NMNAT2: variants seen among roughly 807,000 people sequenced by gnomAD.
NMNAT2 encodes the protein nicotinamide/nicotinic acid mononucleotide adenylyltransferase 2.
In NMNAT2, 11 loss-of-function variants were observed where a neutral mutation model predicts 41.6. The ratio of observed to expected loss-of-function variants is 0.26; its 90% CI spans 0.17 to 0.44. The LOEUF is 0.44. Ranked by LOEUF, NMNAT2 falls within the 20% of genes least tolerant of loss-of-function variation. The probability of loss-of-function intolerance (pLI) is 1.00; values close to 1 mark genes in which losing one functional copy is unlikely to be tolerated. For synonymous variants in NMNAT2, 148 were observed against 151.2 expected (o/e 0.98, Z 0.16); for missense variants, 288 against 407.7 (o/e 0.71, Z 2.53).
At chr1:183,339,347 T>C (rs1662746548) in intron 1 of NMNAT2, among the ~76,000 whole-genome samples, 1 of 152,174 alleles carries the variant, frequency 6.6e-6, no homozygotes, top group South Asian at 2.1e-4. Context: ...TCTGCGCGCC[T>C]CAGCCTCCCA....
In NMNAT2 at chr1:183,302,220, A is replaced by G. The variant is rs139875052; in HGVS notation, c.86-8427T>C. Reference sequence around the variant, plus strand: ...CTGTCCCAGTCGCTATAAGGGACATAGAGAAGTAAAAGACACAATTCACAT... The same window carrying G: ...CTGTCCCAGTCGCTATAAGGGACATGGAGAAGTAAAAGACACAATTCACAT... On this transcript the variant is annotated intron_variant, in intron 1 of 10. Transcript: ENST00000287713. Among the ~76,000 whole-genome samples the G allele has an allele frequency of 3.7e-4, 57 of 152,368 alleles. 1 individual carries two copies. The East Asian group carries it at 0.011, about 28-fold the overall frequency.
intron 1 of NMNAT2, among the ~76,000 whole-genome samples, chr1:183,326,375 CAAAAAAAAAAAAAAA>C (rs58330585): frequency 2.9e-5 from 2 of 69,152 alleles, no homozygotes; most frequent in African/African-American, 1.2e-4. Context: ...GACTCCATCT[CAAAAAAAAAAAAAAA>C]AAAAAAAAAA....
intron 6 of NMNAT2, 94 bp downstream of exon 6, chr1:183,284,615 TG>T: frequency 1.9e-6 from 2 of 1,026,196 alleles, no homozygotes; most frequent in Non-Finnish European, 3.1e-6. Flanking sequence ...GAATTTGCGG[TG>T]GGGGGAATGT....
At chr1:183,331,345 G>T (rs1433289387) in intron 1 of NMNAT2, among the ~76,000 whole-genome samples, 4 of 152,218 alleles carry the variant, frequency 2.6e-5, no homozygotes, top group Non-Finnish European at 5.9e-5. Flanking sequence ...GAGGAGACTG[G>T]CTGACGGGAG....
intron 1 of NMNAT2, among the ~76,000 whole-genome samples, chr1:183,324,374 G>A (rs780286177): frequency 4.7e-4 from 71 of 152,290 alleles, no homozygotes; most frequent in Non-Finnish European, 8.5e-4. Flanking sequence ...TTCATCATAG[G>A]AAAATAAATA....
At chr1:183,356,843 C>T (rs150933926) in intron 1 of NMNAT2, among the ~76,000 whole-genome samples, 1 of 152,294 alleles carries the variant, frequency 6.6e-6, no homozygotes, top group Non-Finnish European at 1.5e-5. Flanking sequence ...AAAACCCAAG[C>T]AACTTTTCAT....
At chr1:183,354,681 T>C (rs1419284818) in intron 1 of NMNAT2, among the ~76,000 whole-genome samples, 2 of 152,184 alleles carry the variant, frequency 1.3e-5, no homozygotes, top group Non-Finnish European at 2.9e-5. Context: ...CCTCCGAAAG[T>C]GCTGGGATTA....
chr1:183,377,698 A>G (rs1379873290), intron 1 of NMNAT2, among the ~76,000 whole-genome samples: 2 of 152,238 alleles, frequency 1.3e-5, no homozygotes, highest in Non-Finnish European at 2.9e-5. Context: ...CAACATGTTC[A>G]GTTTTCAACA....
chr1:183,330,439 C>A (rs911723473), intron 1 of NMNAT2, among the ~76,000 whole-genome samples: 2 of 152,192 alleles, frequency 1.3e-5, no homozygotes, highest in African/African-American at 2.4e-5. Context: ...GAGAGCAGAA[C>A]AAAGGAGGGT....
intron 1 of NMNAT2, among the ~76,000 whole-genome samples, chr1:183,395,048 G>T (rs1199657340): frequency 6.6e-6 from 1 of 152,120 alleles, no homozygotes; most frequent in Non-Finnish European, 1.5e-5. Flanking sequence ...GTATTCAGGG[G>T]TGACTGCATA....
In NMNAT2 at chr1:183,391,619, C is replaced by T. The variant is rs558449180; in HGVS notation, c.85+26564G>A. ...CTCTGCTCCTCTTTAGAAAAATACT[C>T]CTCAAAAGAATGTTTAAATAGGTGC... On this transcript the variant is annotated intron_variant, in intron 1 of 10. Transcript: ENST00000287713. Among the ~76,000 whole-genome samples, 5 of 152,262 alleles carry T rather than the reference C, an allele frequency of 3.3e-5. No homozygotes were observed. In the South Asian group the frequency reaches 8.3e-4, roughly 25 times the overall value.
intron 7 of NMNAT2, among the ~76,000 whole-genome samples, chr1:183,281,864 C>A (rs1392350455): frequency 6.6e-6 from 1 of 152,250 alleles, no homozygotes; most frequent in Non-Finnish European, 1.5e-5. Context: ...ACGTGAGCCC[C>A]AGCGCCTCAC....
chr1:183,270,767 C>T (rs763471071), intron 8 of NMNAT2, among the ~76,000 whole-genome samples: 6 of 152,146 alleles, frequency 3.9e-5, no homozygotes, highest in African/African-American at 7.2e-5. Flanking sequence ...TGGTATCAGT[C>T]GTATCAGTGT....
intron 1 of NMNAT2, among the ~76,000 whole-genome samples, chr1:183,398,526 T>C (rs1648719675): frequency 6.6e-6 from 1 of 151,950 alleles, no homozygotes; most frequent in Non-Finnish European, 1.5e-5. Context: ...CACAAGAATA[T>C]CCAGGAATTG....
intron 1 of NMNAT2, among the ~76,000 whole-genome samples, chr1:183,306,983 A>G (rs1662007878): frequency 6.6e-6 from 1 of 152,108 alleles, no homozygotes; most frequent in African/African-American, 2.4e-5. Flanking sequence ...CCATATTTCT[A>G]TTTCATGAGG....
At chr1:183,339,594 C>A (rs1033048637) in intron 1 of NMNAT2, among the ~76,000 whole-genome samples, 1 of 151,746 alleles carries the variant, frequency 6.6e-6, no homozygotes, top group African/African-American at 2.4e-5. Context: ...CCAGTGTCCT[C>A]GTTTAAAGTT....
intron 1 of NMNAT2, among the ~76,000 whole-genome samples, chr1:183,352,621 A>G (rs1663089289): frequency 6.6e-6 from 1 of 151,828 alleles, no homozygotes; most frequent in Non-Finnish European, 1.5e-5. Flanking sequence ...TCACTGAAAT[A>G]GAATATCCAC....
chr1:183,301,039 T>G (rs1175999833), intron 1 of NMNAT2, among the ~76,000 whole-genome samples: 2 of 152,254 alleles, frequency 1.3e-5, no homozygotes, highest in African/African-American at 4.8e-5. Context: ...CTGAGTCAGA[T>G]CTCGCCTTTA....
At chr1:183,284,530 G>A (rs758582827) in intron 6 of NMNAT2, among the ~76,000 whole-genome samples, 180 bp downstream of exon 6, 4 of 152,212 alleles carry the variant, frequency 2.6e-5, no homozygotes, top group Non-Finnish European at 1.5e-5. Flanking sequence ...CTGAGTCTTC[G>A]ATGTGCCCTT....
Sources: gnomAD v4.1 joint callset for allele counts (sites outside exome capture counted in the v4.1 genomes callset) on GRCh38, gnomAD v4.1.1 for gene constraint, MANE v1.5 for transcripts, NCBI Gene and HGNC (gene_info 2026-07-23, HGNC 2026-07-21) for gene names.